Variants in MAST4 observed in about 807,000 individuals in gnomAD.
The protein encoded by MAST4 is microtubule-associated serine/threonine-protein kinase 4.
MAST4 carries 89 observed loss-of-function variants against 162.7 expected under a neutral mutation model. That is an observed-to-expected ratio of 0.55 (90% confidence interval 0.46 to 0.65). The LOEUF is 0.65. Among genes scored for constraint, MAST4 ranks in the 30% least tolerant of loss-of-function variants. MAST4 has a pLI of 0.00. For synonymous variants in MAST4, 1,479 were observed against 1,361.1 expected, an observed-to-expected ratio of 1.09 and a Z score of -1.91; for missense variants, 3,153 against 3,374.0, an observed-to-expected ratio of 0.93 and a Z score of 1.62.
intron 1 of MAST4, among the ~76,000 whole-genome samples, chr5:66,751,452 A>G (rs969772698): frequency 6.6e-6 from 1 of 152,214 alleles, no homozygotes; most frequent in Non-Finnish European, 1.5e-5. Context: ...TGCTTAAAGG[A>G]GCTGATGGAG....
chr5:67,166,352 TTCCTTTG>T lies in MAST4; in HGVS notation c.7175_7181del (p.Ser2392CysfsTer7). 6.2e-7 allele frequency: 1 copy of T among 1,609,848 alleles called. No homozygotes were observed. The highest frequency in any genetic ancestry group is 8.5e-7 in the Non-Finnish European group (1 of 1,178,150). ...AGGGCGACAAGCTCGAGGCCGGCCT[TTCCTTTG>T]TGCATAGCGAGAACCGGTTGAAAGG... On this transcript the variant is annotated frameshift_variant, in exon 29 of 29. Transcript: ENST00000403625. LOFTEE classifies it low-confidence loss of function (END_TRUNC).
At chr5:67,090,061 C>T (rs1450788732) in intron 5 of MAST4, 101 bp from the exon 6 acceptor site, 5 of 838,120 alleles carry the variant, frequency 6.0e-6, no homozygotes, top group South Asian at 1.5e-5. Context: ...AAAGGACATT[C>T]TACAGAAATG....
chr5:66,916,719 A>G (rs1764142812), intron 4 of MAST4, among the ~76,000 whole-genome samples: 2 of 152,172 alleles, frequency 1.3e-5, no homozygotes, highest in South Asian at 4.1e-4. Flanking sequence ...GTCTTAAACA[A>G]GATGTTAAGC....
In MAST4 at chr5:67,162,692, CT is replaced by C; in HGVS notation, c.3872del (p.Leu1291ArgfsTer138). 1 of 1,613,890 alleles carries C rather than the reference CT, an allele frequency of 6.2e-7. No individual in the cohort carries two copies. ...SRSFSCLNRS[L>X]SSGESLPGSP... Reference sequence around the variant, plus strand: ...AAGTTTCTCCTGCTTGAACAGATCCCTGTCATCGGGTGAGAGCCTCCCAGGT... The same window carrying C: ...AAGTTTCTCCTGCTTGAACAGATCCCGTCATCGGGTGAGAGCCTCCCAGGT... On this transcript the variant is annotated frameshift_variant, in exon 28 of 29. Coordinates refer to ENST00000403625, the MANE Select transcript of MAST4 (RefSeq NM_001164664.2). LOFTEE classifies it high-confidence loss of function.
intron 4 of MAST4, among the ~76,000 whole-genome samples, chr5:66,941,853 T>C (rs961202527): frequency 2.0e-5 from 3 of 152,076 alleles, no homozygotes; most frequent in African/African-American, 7.2e-5. Flanking sequence ...AATTTAATGT[T>C]GTTGTGTCTC....
rs532274110 is a variant in MAST4 at position 66,701,708 on chromosome 5, C to T, written c.364-58001C>T. 2.0e-5 allele frequency among the ~76,000 whole-genome samples: 3 copies of T among 152,260 alleles called. No homozygotes were observed. In the East Asian group the frequency reaches 5.8e-4, roughly 29 times the overall value. On this transcript the variant is annotated intron_variant, in intron 1 of 28. Transcript: ENST00000403625. ...TTTGAAATAAAAAATAAGGTCAGGT[C>T]CTGATGCTGGAATTTCACTGCCTTG...
chr5:67,079,382 T>C (rs1236419106), intron 5 of MAST4, among the ~76,000 whole-genome samples: 1 of 151,734 alleles, frequency 6.6e-6, no homozygotes, highest in Non-Finnish European at 1.5e-5. Flanking sequence ...ATATTTGATG[T>C]AGTATTTTGG....
intron 5 of MAST4, among the ~76,000 whole-genome samples, chr5:67,076,416 C>G (rs1761653651): frequency 6.6e-6 from 1 of 151,744 alleles, no homozygotes; most frequent in Non-Finnish European, 1.5e-5. Context: ...AATAGTCTCT[C>G]CATCTGATTG....
At chr5:66,671,100 A>C (rs541811969) in intron 1 of MAST4, among the ~76,000 whole-genome samples, 14 of 152,250 alleles carry the variant, frequency 9.2e-5, no homozygotes, top group African/African-American at 2.9e-4. Flanking sequence ...GATCTGTTAT[A>C]AGCATTTTCT....
At chr5:66,921,642 C>A (rs900900683) in intron 4 of MAST4, among the ~76,000 whole-genome samples, 1 of 152,050 alleles carries the variant, frequency 6.6e-6, no homozygotes, top group Admixed American at 6.5e-5. Context: ...GCCTGTAATC[C>A]CAGCTACTCA....
intron 2 of MAST4, among the ~76,000 whole-genome samples, chr5:66,780,514 G>C (rs1754815417): frequency 6.6e-6 from 1 of 152,190 alleles, no homozygotes; most frequent in Non-Finnish European, 1.5e-5. Context: ...GGACCTTCGT[G>C]GCGAGTGTTA....
chr5:67,160,257 C>T (rs1181020663), intron 26 of MAST4, among the ~76,000 whole-genome samples, 199 bp from the exon 27 acceptor site: 1 of 152,194 alleles, frequency 6.6e-6, no homozygotes, highest in Non-Finnish European at 1.5e-5. Context: ...AACTCACCCT[C>T]GTAAAGAAAC....
At chr5:66,637,264 G>A (rs1745184587) in intron 1 of MAST4, among the ~76,000 whole-genome samples, 1 of 146,848 alleles carries the variant, frequency 6.8e-6, no homozygotes, top group African/African-American at 2.5e-5. Context: ...TAATGTTGCA[G>A]TTGCAAACCA....
chr5:66,898,343 TTCTC>T (rs1367121514), intron 3 of MAST4, among the ~76,000 whole-genome samples: 1 of 152,150 alleles, frequency 6.6e-6, no homozygotes, highest in African/African-American at 2.4e-5. Flanking sequence ...TTCTAGGAAG[TTCTC>T]TCTTTTTGTT....
intron 17 of MAST4, among the ~76,000 whole-genome samples, chr5:67,134,126 G>A (rs550881439): frequency 6.6e-6 from 1 of 152,188 alleles, no homozygotes; most frequent in Non-Finnish European, 1.5e-5. Flanking sequence ...GAAATGACCT[G>A]TGTGTGAATA....
chr5:66,866,374 T>A (rs40155), intron 3 of MAST4, among the ~76,000 whole-genome samples: 79,548 of 151,542 alleles, frequency 0.52, 22,550 homozygotes, highest in Non-Finnish European at 0.64. Context: ...TGTGGGTTTT[T>A]AGAAGCCTAT....
At chr5:66,842,712 G>A (rs1580614386) in intron 3 of MAST4, among the ~76,000 whole-genome samples, 1 of 152,116 alleles carries the variant, frequency 6.6e-6, no homozygotes, top group South Asian at 2.1e-4. Context: ...TGGTGGAGGC[G>A]AGATGAGAGT....
At chr5:66,615,625 G>A (rs984028865) in intron 1 of MAST4, among the ~76,000 whole-genome samples, 5 of 149,478 alleles carry the variant, frequency 3.3e-5, no homozygotes, top group Non-Finnish European at 5.9e-5. Context: ...GACCAGCTGG[G>A]CAACATAGTA....
intron 1 of MAST4, among the ~76,000 whole-genome samples, chr5:66,606,354 T>C (rs1216974720): frequency 6.6e-6 from 1 of 152,232 alleles, no homozygotes; most frequent in Non-Finnish European, 1.5e-5. Flanking sequence ...TATTCTGTGC[T>C]GAACAAGCTA....
Sources: allele counts gnomAD v4.1 joint callset (sites outside exome capture counted in the v4.1 genomes callset), GRCh38; gene constraint gnomAD v4.1.1; transcripts MANE v1.5; gene names NCBI Gene and HGNC (gene_info 2026-07-23, HGNC 2026-07-21).